MPP7: variants seen among roughly 807,000 people sequenced by gnomAD.
MPP7 encodes MAGUK p55 subfamily member 7.
MPP7 carries 60 observed loss-of-function variants against 76.5 expected under a neutral mutation model. The observed-to-expected ratio is 0.78, with a 90% CI of 0.64 to 0.97. MPP7 has a LOEUF of 0.97. Among genes scored for constraint, MPP7 ranks in the 50% least tolerant of loss-of-function variants. The pLI is 0.00. For synonymous variants in MPP7, 237 were observed against 244.5 expected, an observed-to-expected ratio of 0.97 and a Z score of 0.29; for missense variants, 641 against 694.0, an observed-to-expected ratio of 0.92 and a Z score of 0.86.
chr10:28,107,046 T>C (rs1248221093), intron 11 of MPP7, among the ~76,000 whole-genome samples: 2 of 152,208 alleles, frequency 1.3e-5, no homozygotes, highest in Non-Finnish European at 2.9e-5. Context: ...TAACACTGAG[T>C]ACCAAAATCT....
intron 8 of MPP7, among the ~76,000 whole-genome samples, chr10:28,121,149 T>A (rs888813512): frequency 1.3e-5 from 2 of 151,864 alleles, no homozygotes; most frequent in East Asian, 1.9e-4. Flanking sequence ...ACAAAAAAAA[T>A]TTTAAAAATT....
At chr10:28,275,449 C>T (rs1021202182) in intron 1 of MPP7, among the ~76,000 whole-genome samples, 2 of 151,444 alleles carry the variant, frequency 1.3e-5, no homozygotes, top group Non-Finnish European at 2.9e-5. Flanking sequence ...CTCTGTCACC[C>T]AGGCTGGAGT....
intron 11 of MPP7, among the ~76,000 whole-genome samples, chr10:28,090,331 A>G (rs888591374): frequency 6.6e-6 from 1 of 152,204 alleles, no homozygotes; most frequent in Admixed American, 6.5e-5. Context: ...TATAAAAACA[A>G]TAACTTAGAT....
chr10:28,266,405 A>G (rs958630585), intron 1 of MPP7, among the ~76,000 whole-genome samples: 15 of 152,110 alleles, frequency 9.9e-5, no homozygotes, highest in Non-Finnish European at 1.9e-4. Flanking sequence ...ACCTCCCACA[A>G]CTTCTGCGCT....
At chr10:28,196,332 T>A (rs1246270889) in intron 3 of MPP7, among the ~76,000 whole-genome samples, 5 of 151,870 alleles carry the variant, frequency 3.3e-5, no homozygotes, top group Non-Finnish European at 2.9e-5. Context: ...GTATAAAAAT[T>A]AGCTGGGCGT....
At chr10:28,329,820 T>A (rs1261348501) in intron 2 of MPP7, 3 of 152,202 alleles carry the variant, frequency 2.0e-5, no homozygotes, top group Non-Finnish European at 2.9e-5. Flanking sequence ...TAAATCTGAT[T>A]AGCTTTAACA....
intron 1 of MPP7, among the ~76,000 whole-genome samples, chr10:28,253,775 C>T (rs1006423095): frequency 3.9e-5 from 6 of 151,920 alleles, no homozygotes; most frequent in African/African-American, 1.5e-4. Flanking sequence ...GCGGGTGGAT[C>T]ACTTGAGCTC....
intron 2 of MPP7, among the ~76,000 whole-genome samples, chr10:28,207,213 G>A (rs930106179): frequency 1.3e-5 from 2 of 151,922 alleles, no homozygotes; most frequent in African/African-American, 4.8e-5. Flanking sequence ...TGCAGGTGAA[G>A]CATTTCAATA....
At chr10:28,260,769 CAAAAAAA>C (rs772017051) in intron 1 of MPP7, among the ~76,000 whole-genome samples, 23 of 68,346 alleles carry the variant, frequency 3.4e-4, no homozygotes, top group African/African-American at 4.6e-4. Context: ...GACTCCATCT[CAAAAAAA>C]AAAAAAAAAA....
intron 11 of MPP7, among the ~76,000 whole-genome samples, chr10:28,099,526 C>T (rs1037702368): frequency 6.6e-5 from 10 of 152,102 alleles, no homozygotes; most frequent in Admixed American, 4.6e-4. Context: ...AGGTTTAGGC[C>T]GGGTGTGGTG....
chr10:28,208,894 C>A (rs1432087879), intron 2 of MPP7, among the ~76,000 whole-genome samples: 1 of 152,014 alleles, frequency 6.6e-6, no homozygotes, highest in East Asian at 1.9e-4. Flanking sequence ...CAAATTGGGA[C>A]CTGGTGGAAG....
chr10:28,207,607 C>T (rs369756988), intron 2 of MPP7, among the ~76,000 whole-genome samples: 23 of 151,916 alleles, frequency 1.5e-4, no homozygotes, highest in Middle Eastern at 3.4e-3. Context: ...ATCACTTGAG[C>T]CCAGGAGGTA....
intron 1 of MPP7, among the ~76,000 whole-genome samples, chr10:28,244,869 T>G (rs1351526742): frequency 2.0e-5 from 3 of 152,048 alleles, no homozygotes; most frequent in African/African-American, 7.2e-5. Context: ...CAAGCATAGG[T>G]GTAATGAATG....
intron 12 of MPP7, among the ~76,000 whole-genome samples, chr10:28,081,953 T>C (rs927700850): frequency 1.6e-4 from 25 of 152,112 alleles, no homozygotes; most frequent in African/African-American, 5.8e-4. Context: ...GGTTTCACCA[T>C]GTTGGCCAGG....
intron 13 of MPP7, among the ~76,000 whole-genome samples, chr10:28,060,678 G>A (rs112098879): frequency 6.6e-6 from 1 of 152,202 alleles, no homozygotes. Flanking sequence ...CTTGGGACGG[G>A]GGGTAGAAAA....
intron 12 of MPP7, among the ~76,000 whole-genome samples, chr10:28,073,737 T>C (rs908984639): frequency 2.0e-5 from 3 of 151,976 alleles, no homozygotes; most frequent in African/African-American, 7.2e-5. Flanking sequence ...ATCACTGCAC[T>C]CCAGCCTGGT....
intron 2 of MPP7, among the ~76,000 whole-genome samples, chr10:28,206,654 A>G (rs1172148627): frequency 6.6e-6 from 1 of 152,282 alleles, no homozygotes; most frequent in South Asian, 2.1e-4. Flanking sequence ...TTTAAATTTC[A>G]GAGTTAAAAT....
At chr10:28,158,341 T>C (rs1279089075) in intron 3 of MPP7, among the ~76,000 whole-genome samples, 2 of 152,154 alleles carry the variant, frequency 1.3e-5, no homozygotes, top group Non-Finnish European at 2.9e-5. Context: ...GAAATTTATA[T>C]ATGAAATATA....
intron 1 of MPP7, among the ~76,000 whole-genome samples, chr10:28,255,658 G>T (rs1016073208): frequency 5.3e-5 from 8 of 152,060 alleles, no homozygotes; most frequent in Admixed American, 2.0e-4. Flanking sequence ...ACCTGCCTCA[G>T]CCTCCCAAAG....
Sources: gnomAD v4.1 joint callset for allele counts (sites outside exome capture counted in the v4.1 genomes callset) on GRCh38, gnomAD v4.1.1 for gene constraint, MANE v1.5 for transcripts, NCBI Gene and HGNC (gene_info 2026-07-23, HGNC 2026-07-21) for gene names.